SYN2: variants seen among roughly 807,000 people sequenced by gnomAD.
SYN2 encodes the protein synapsin-2.
Under a neutral mutation model 50.9 loss-of-function variants are expected in SYN2, and 19 were observed. That is an observed-to-expected ratio of 0.37 (90% CI 0.26 to 0.55). SYN2 has a LOEUF of 0.55. SYN2 is among the 20% of genes least tolerant of loss of function. The pLI is 0.81. For synonymous variants in SYN2, 255 were observed against 224.9 expected (o/e 1.13, Z -1.20); for missense variants, 587 against 576.4 (o/e 1.02, Z -0.19).
intron 3 of SYN2, 136 bp from the exon 4 acceptor site, chr3:12,145,543 C>T: frequency 9.8e-7 from 1 of 1,017,250 alleles, no homozygotes; most frequent in South Asian, 1.7e-5. Flanking sequence ...TCTAAAATAA[C>T]AACAGTAAAA....
At position 12,166,779 on chromosome 3, in the gene SYN2, G is replaced by C. The variant is rs116274580; in HGVS notation, c.981-455G>C. 6.4e-3 allele frequency among the ~76,000 whole-genome samples: 973 copies of C among 152,336 alleles called. 9 individuals carry two copies. Among genetic ancestry groups the C allele is most frequent in the African/African-American group, 0.022 (904 of 41,584 alleles). ...AGGATTGATGGAATTCAGTTTGTAT[G>C]TATCAAGTCAGTATAGATACTGAAT... is the stretch of plus-strand genomic sequence containing the variant. On this transcript the variant is annotated intron_variant, in intron 7 of 12. Coordinates refer to ENST00000621198, the MANE Select transcript of SYN2 (RefSeq NM_133625.6).
intron 1 of SYN2, among the ~76,000 whole-genome samples, chr3:12,133,663 A>G (rs1696835962): frequency 6.6e-6 from 1 of 152,232 alleles, no homozygotes; most frequent in South Asian, 2.1e-4. Context: ...GGCTTCTGAA[A>G]TGATCTTAAG....
chr3:12,161,539 A>AT lies in SYN2; in HGVS notation c.775-4dup. On this transcript the variant is annotated splice_region_variant and splice_polypyrimidine_tract_variant and intron_variant, in intron 5 of 12. Coordinates refer to ENST00000621198, the MANE Select transcript of SYN2 (RefSeq NM_133625.6). ...TGACAGTTTATTCATTTCTCTTCTG[A>AT]TTTCAGCTGACACTGCCCACGTTCC... 6.2e-7 allele frequency: 1 copy of AT among 1,613,920 alleles called. No individual in the cohort carries two copies. Among genetic ancestry groups the AT allele is most frequent in the Non-Finnish European group, 8.5e-7 (1 of 1,179,872 alleles).
At chr3:12,070,549 T>C (rs1298676713) in intron 1 of SYN2, 2 of 1,068,850 alleles carry the variant, frequency 1.9e-6, no homozygotes, top group South Asian at 1.2e-5. Flanking sequence ...CTGGTGCTGC[T>C]GACGGAGGCC....
At chr3:12,154,134 G>C (rs1003381145) in intron 5 of SYN2, among the ~76,000 whole-genome samples, 1 of 152,198 alleles carries the variant, frequency 6.6e-6, no homozygotes, top group Non-Finnish European at 1.5e-5. Flanking sequence ...TCTGCCTCCT[G>C]TGATGGCCAC....
chr3:12,062,371 G>A (rs1307693172), intron 1 of SYN2, among the ~76,000 whole-genome samples: 1 of 151,872 alleles, frequency 6.6e-6, no homozygotes, highest in Non-Finnish European at 1.5e-5. Flanking sequence ...ACCATAAACC[G>A]AAATCTGAAA....
At chr3:12,110,874 C>G (rs1574946344) in intron 1 of SYN2, among the ~76,000 whole-genome samples, 1 of 152,200 alleles carries the variant, frequency 6.6e-6, no homozygotes, top group Non-Finnish European at 1.5e-5. Flanking sequence ...TGGGAAGTAA[C>G]TAACTTGCTT....
At chr3:12,074,252 T>C (rs189935251) in intron 1 of SYN2, among the ~76,000 whole-genome samples, 1 of 152,306 alleles carries the variant, frequency 6.6e-6, no homozygotes, top group Non-Finnish European at 1.5e-5. Flanking sequence ...AAACAGCCTA[T>C]AAATGAATTT....
chr3:12,072,655 G>GT (rs1448015081), intron 1 of SYN2, among the ~76,000 whole-genome samples: 2 of 152,022 alleles, frequency 1.3e-5, no homozygotes, highest in East Asian at 3.9e-4. Flanking sequence ...CTATTTCTGG[G>GT]TTTCTCCTAT....
At chr3:12,084,377 C>G (rs1490246522) in intron 1 of SYN2, among the ~76,000 whole-genome samples, 2 of 152,006 alleles carry the variant, frequency 1.3e-5, no homozygotes, top group East Asian at 3.9e-4. Context: ...AGATTCTTTC[C>G]TCCTGGACAG....
intron 5 of SYN2, chr3:12,153,649 A>G (rs1049954156): frequency 1.9e-6 from 3 of 1,614,204 alleles, no homozygotes; most frequent in African/African-American, 2.7e-5. Context: ...TCCAACAGCC[A>G]GTCTGTCCAG....
At chr3:12,046,413 A>G (rs189838912) in intron 1 of SYN2, among the ~76,000 whole-genome samples, 4 of 152,164 alleles carry the variant, frequency 2.6e-5, no homozygotes, top group East Asian at 3.9e-4. Context: ...GAATGTAGAG[A>G]GGGGGAGAAT....
intron 5 of SYN2, chr3:12,158,999 G>A (rs1697556870): frequency 9.1e-6 from 10 of 1,096,436 alleles, no homozygotes; most frequent in Non-Finnish European, 1.1e-5. Context: ...TTGGCTCTAG[G>A]CCACCCGCGG....
At chr3:12,098,431 G>A (rs1385323466) in intron 1 of SYN2, among the ~76,000 whole-genome samples, 2 of 152,156 alleles carry the variant, frequency 1.3e-5, no homozygotes, top group African/African-American at 4.8e-5. Context: ...GATGTAGGGT[G>A]AGGAGGGAAT....
intron 11 of SYN2, chr3:12,183,615 T>G: frequency 6.9e-7 from 1 of 1,453,580 alleles, no homozygotes; most frequent in Admixed American, 3.0e-5. Flanking sequence ...GTTTACCTGT[T>G]CCTGTTCGTG....
chr3:12,170,616 A>G (rs1004144364), intron 10 of SYN2, among the ~76,000 whole-genome samples: 4 of 152,198 alleles, frequency 2.6e-5, no homozygotes, highest in Non-Finnish European at 5.9e-5. Context: ...AGTATCCCCA[A>G]AGTCCACTAA....
chr3:12,005,722 AGACCTGC>A (rs1693788270), intron 1 of SYN2, among the ~76,000 whole-genome samples: 1 of 151,624 alleles, frequency 6.6e-6, no homozygotes, highest in African/African-American at 2.4e-5. Flanking sequence ...AAATAAAAGG[AGACCTGC>A]CTTAATGTAG....
At chr3:12,094,915 A>G (rs1695898465) in intron 1 of SYN2, among the ~76,000 whole-genome samples, 1 of 152,214 alleles carries the variant, frequency 6.6e-6, no homozygotes, top group Admixed American at 6.5e-5. Flanking sequence ...TGAATAGGCA[A>G]CTGAATTTAT....
intron 6 of SYN2, 187 bp downstream of exon 6, chr3:12,161,795 A>G: frequency 1.0e-6 from 1 of 954,274 alleles, no homozygotes; most frequent in Non-Finnish European, 1.6e-6. Context: ...AATGCAAGCC[A>G]CCTGCTTGGT....
Sources: allele counts gnomAD v4.1 joint callset (sites outside exome capture counted in the v4.1 genomes callset), GRCh38; gene constraint gnomAD v4.1.1; transcripts MANE v1.5; gene names NCBI Gene and HGNC (gene_info 2026-07-23, HGNC 2026-07-21).